Variants in ROBO1 observed in about 807,000 individuals in gnomAD.
ROBO1 encodes the protein roundabout guidance receptor 1, also known as roundabout homolog 1.
A neutral mutation model predicts 195.9 loss-of-function variants in ROBO1; 149 were observed. That is an observed-to-expected ratio of 0.76 (90% CI 0.67 to 0.87). ROBO1 has a LOEUF of 0.87. Among genes scored for constraint, ROBO1 ranks in the 40% least tolerant of loss-of-function variants. The pLI is 0.00. For synonymous variants in ROBO1, 816 were observed against 733.2 expected, an observed-to-expected ratio of 1.11 and a Z score of -1.82; for missense variants, 1,933 against 2,068.3, an observed-to-expected ratio of 0.93 and a Z score of 1.27.
intron 1 of ROBO1, among the ~76,000 whole-genome samples, chr3:79,659,621 AC>A (rs11334813): frequency 0.57 from 84,896 of 149,822 alleles, 24,290 homozygotes; most frequent in African/African-American, 0.66. Context: ...GAAAAAAAAA[AC>A]ACAATATTTT....
rs368179106 is a variant in ROBO1 at position 78,652,077 on chromosome 3, T to A, written c.2615-148A>T. 1.1e-5 allele frequency: 7 copies of A among 623,486 alleles called. No individual in the cohort carries two copies. In the East Asian group the frequency reaches 2.0e-4, roughly 18 times the overall value. The allele number at this position is 623,486 out of a possible 1,614,324, so 38.6% of individuals were successfully genotyped here. On this transcript the variant is annotated intron_variant, in intron 18 of 30. Transcript: ENST00000464233. Reference sequence around the variant, plus strand: ...ACTCACCATCATCAAATAAAATAGTTCATACTGTTTTCAGCAAAATTGGAC... The same window carrying A: ...ACTCACCATCATCAAATAAAATAGTACATACTGTTTTCAGCAAAATTGGAC...
At chr3:79,216,084 G>A (rs1182797824) in intron 2 of ROBO1, among the ~76,000 whole-genome samples, 1 of 151,914 alleles carries the variant, frequency 6.6e-6, no homozygotes, top group Non-Finnish European at 1.5e-5. Flanking sequence ...TTCTCCTTTA[G>A]GTATTTGTTA....
chr3:78,944,811 C>A (rs938572147), intron 3 of ROBO1, among the ~76,000 whole-genome samples: 13 of 152,276 alleles, frequency 8.5e-5, no homozygotes, highest in Middle Eastern at 3.4e-3. Flanking sequence ...GTCACTCCCA[C>A]CCTAATACTG....
chr3:78,868,808 A>G (rs1046554362), intron 4 of ROBO1, among the ~76,000 whole-genome samples: 1 of 152,224 alleles, frequency 6.6e-6, no homozygotes, highest in Non-Finnish European at 1.5e-5. Flanking sequence ...TGAGCTAGTG[A>G]ACAAAAGCTT....
intron 5 of ROBO1, among the ~76,000 whole-genome samples, chr3:78,734,397 CAA>C (rs35325702): frequency 2.9e-3 from 395 of 134,788 alleles, no homozygotes; most frequent in Middle Eastern, 3.8e-3. Context: ...CCCACCGCCA[CAA>C]AAAAAAAAAA....
At position 78,711,365 on chromosome 3, in the gene ROBO1, TCC is replaced by T. The variant is rs2081709484; in HGVS notation, c.1045+3030_1045+3031del. 9.2e-4 allele frequency among the ~76,000 whole-genome samples: 32 copies of T among 34,620 alleles called. 1 individual carries two copies. The highest frequency in any genetic ancestry group is 3.3e-3 in the African/African-American group (29 of 8,896). The allele number at this position is 34,620 out of a possible 152,430, so 22.7% of individuals were successfully genotyped here. ...CTTCCTTCCTCCTTCCTTCCTTCCTTCCTTCCTTCCTTCCTTCCTTCCTTCCT... is the reference window on the plus strand; with the variant it reads ...CTTCCTTCCTCCTTCCTTCCTTCCTTTTCCTTCCTTCCTTCCTTCCTTCCT... On this transcript the variant is annotated intron_variant, in intron 8 of 30. Coordinates refer to ENST00000464233, the MANE Select transcript of ROBO1 (RefSeq NM_002941.4).
At chr3:79,519,952 A>G (rs2107574723) in intron 2 of ROBO1, among the ~76,000 whole-genome samples, 1 of 152,116 alleles carries the variant, frequency 6.6e-6, no homozygotes. Flanking sequence ...TGAGCCTGGG[A>G]GTTTGAGACT....
At chr3:79,751,438 A>G (rs1704125988) in intron 1 of ROBO1, among the ~76,000 whole-genome samples, 1 of 152,182 alleles carries the variant, frequency 6.6e-6, no homozygotes, top group Non-Finnish European at 1.5e-5. Context: ...TAAAAATTCA[A>G]TATATCCTCA....
chr3:78,996,209 GGCACGGTGGCTCACACCTGTAATCCCA>G (rs1389748190), intron 3 of ROBO1, among the ~76,000 whole-genome samples: 2 of 151,932 alleles, frequency 1.3e-5, no homozygotes, highest in African/African-American at 4.8e-5. Context: ...TCCCAAGCCA[GGCACGGTGGCTCACACCTGTAATCCCA>G]GCACTTTAAG....
At chr3:79,167,831 T>C (rs1278905496) in intron 2 of ROBO1, among the ~76,000 whole-genome samples, 1 of 152,190 alleles carries the variant, frequency 6.6e-6, no homozygotes. Context: ...GGCAAGTTAT[T>C]TGAATGCATT....
rs527506845 is a variant in ROBO1, at chr3:78,946,571, C to A, written c.173-7644G>T. Among the ~76,000 whole-genome samples the A allele has an allele frequency of 4.6e-5, 7 of 152,238 alleles. No homozygotes were observed. In the South Asian group the frequency reaches 1.5e-3, roughly 32 times the overall value. Reference sequence around the variant, plus strand: ...TGGTAACAGCCACTGCAAAAACATGCCAAATTGTAAAGACCATCAAGGCTA... The same window carrying A: ...TGGTAACAGCCACTGCAAAAACATGACAAATTGTAAAGACCATCAAGGCTA... On this transcript the variant is annotated intron_variant, in intron 3 of 30. Transcript: ENST00000464233.
At chr3:79,642,710 C>T (rs932568199) in intron 1 of ROBO1, among the ~76,000 whole-genome samples, 5 of 152,120 alleles carry the variant, frequency 3.3e-5, no homozygotes, top group Admixed American at 2.0e-4. Flanking sequence ...CCTAGACAAA[C>T]AAAAGCTGAG....
chr3:78,869,185 C>A (rs946404136), intron 4 of ROBO1, among the ~76,000 whole-genome samples: 20 of 152,032 alleles, frequency 1.3e-4, no homozygotes, highest in African/African-American at 4.6e-4. Flanking sequence ...ACCGTTATAA[C>A]CCCAATATTT....
chr3:79,339,086 C>T (rs1218714035), intron 2 of ROBO1, among the ~76,000 whole-genome samples: 1 of 152,130 alleles, frequency 6.6e-6, no homozygotes, highest in African/African-American at 2.4e-5. Context: ...TATGTCCAGA[C>T]TCTTAACTCT....
At chr3:79,634,857 A>T (rs1284985857) in intron 1 of ROBO1, among the ~76,000 whole-genome samples, 1 of 152,194 alleles carries the variant, frequency 6.6e-6, no homozygotes, top group Non-Finnish European at 1.5e-5. Flanking sequence ...GTCTTCTGAT[A>T]AGCGAATAGG....
At chr3:78,951,591 A>G (rs559286580) in intron 3 of ROBO1, among the ~76,000 whole-genome samples, 1 of 152,238 alleles carries the variant, frequency 6.6e-6, no homozygotes, top group African/African-American at 2.4e-5. Context: ...TCTCTCTGAC[A>G]CTGTCAACTG....
At chr3:79,285,360 A>G (rs2031821739) in intron 2 of ROBO1, among the ~76,000 whole-genome samples, 1 of 152,240 alleles carries the variant, frequency 6.6e-6, no homozygotes, top group South Asian at 2.1e-4. Context: ...ATATAATTGT[A>G]AGCTCCCAAA....
At chr3:79,623,393 A>G (rs1945071559) in intron 1 of ROBO1, among the ~76,000 whole-genome samples, 1 of 152,230 alleles carries the variant, frequency 6.6e-6, no homozygotes, top group Non-Finnish European at 1.5e-5. Flanking sequence ...GCAATAAAAA[A>G]CTATGCGGAG....
chr3:79,667,166 A>G (rs1946499584), intron 1 of ROBO1, among the ~76,000 whole-genome samples: 1 of 151,928 alleles, frequency 6.6e-6, no homozygotes, highest in Admixed American at 6.6e-5. Flanking sequence ...AACATGCCAT[A>G]GAATGAAAAT....
Sources: gnomAD v4.1 joint callset for allele counts (sites outside exome capture counted in the v4.1 genomes callset) on GRCh38, gnomAD v4.1.1 for gene constraint, MANE v1.5 for transcripts, NCBI Gene and HGNC (gene_info 2026-07-23, HGNC 2026-07-21) for gene names.